MAP7: variants seen among roughly 807,000 people sequenced by gnomAD.
MAP7 encodes microtubule associated protein 7.
A neutral mutation model predicts 94.8 loss-of-function variants in MAP7; 52 were observed. The ratio of observed to expected loss-of-function variants is 0.55; its 90% CI spans 0.44 to 0.69. MAP7 has a LOEUF of 0.69. Ranked by LOEUF, MAP7 falls within the 30% of genes least tolerant of loss-of-function variation. The probability of loss-of-function intolerance (pLI) is 0.00; values close to 1 mark genes in which losing one functional copy is unlikely to be tolerated. For synonymous variants in MAP7, 350 were observed against 357.0 expected, an observed-to-expected ratio of 0.98 and a Z score of 0.22; for missense variants, 940 against 964.6, an observed-to-expected ratio of 0.97 and a Z score of 0.34.
At chr6:136,383,157 G>A (rs1409737959) in intron 6 of MAP7, among the ~76,000 whole-genome samples, 1 of 152,064 alleles carries the variant, frequency 6.6e-6, no homozygotes, top group South Asian at 2.1e-4. Flanking sequence ...TTAATGAATG[G>A]ACACCAAAAA....
intron 4 of MAP7, among the ~76,000 whole-genome samples, chr6:136,389,037 T>C (rs1779951386): frequency 6.6e-6 from 1 of 152,146 alleles, no homozygotes; most frequent in South Asian, 2.1e-4. Flanking sequence ...TGTGTAAATG[T>C]TTGCAAATGG....
intron 1 of MAP7, among the ~76,000 whole-genome samples, chr6:136,527,754 T>C (rs1263114115): frequency 1.3e-5 from 2 of 152,230 alleles, no homozygotes; most frequent in Non-Finnish European, 2.9e-5. Flanking sequence ...CTATCAATGC[T>C]ACCAGGAAGT....
intron 16 of MAP7, among the ~76,000 whole-genome samples, chr6:136,356,214 T>C (rs1790876087): frequency 6.6e-6 from 1 of 152,238 alleles, no homozygotes; most frequent in Admixed American, 6.5e-5. Flanking sequence ...TCACCCAGGC[T>C]GGACTGCAGT....
intron 1 of MAP7, among the ~76,000 whole-genome samples, chr6:136,524,879 T>A (rs538929218): frequency 6.6e-6 from 1 of 152,330 alleles, no homozygotes; most frequent in South Asian, 2.1e-4. Flanking sequence ...AGTGACAGAA[T>A]AATTTAAGAG....
chr6:136,467,448 T>C (rs1428511920), intron 1 of MAP7, among the ~76,000 whole-genome samples: 2 of 152,166 alleles, frequency 1.3e-5, no homozygotes, highest in Non-Finnish European at 2.9e-5. Context: ...GTTCAGAAAG[T>C]CCAAAAACTT....
At chr6:136,392,644 T>C (rs535930003) in intron 3 of MAP7, among the ~76,000 whole-genome samples, 2 of 152,138 alleles carry the variant, frequency 1.3e-5, no homozygotes, top group Admixed American at 6.5e-5. Flanking sequence ...AGCATGTCCA[T>C]GTAGAATAGC....
intron 1 of MAP7, among the ~76,000 whole-genome samples, chr6:136,461,033 A>G (rs1805033535): frequency 6.6e-6 from 1 of 152,174 alleles, no homozygotes; most frequent in African/African-American, 2.4e-5. Flanking sequence ...AGCTGACACA[A>G]TTAAGAATTT....
intron 1 of MAP7, among the ~76,000 whole-genome samples, chr6:136,477,099 A>G (rs1039515795): frequency 6.6e-6 from 1 of 152,222 alleles, no homozygotes; most frequent in Non-Finnish European, 1.5e-5. Context: ...CTAACTGAAA[A>G]GGAAAAATTG....
intron 5 of MAP7, among the ~76,000 whole-genome samples, chr6:136,384,935 G>A (rs1778794025): frequency 6.6e-6 from 1 of 152,178 alleles, no homozygotes; most frequent in African/African-American, 2.4e-5. Flanking sequence ...TGTAATGAAA[G>A]TCTAAAAAGT....
At chr6:136,371,826 T>C (rs1774595644) in intron 8 of MAP7, among the ~76,000 whole-genome samples, 2 of 152,220 alleles carry the variant, frequency 1.3e-5, no homozygotes, top group South Asian at 4.1e-4. Flanking sequence ...ACATACAAAT[T>C]ACCTCATTGC....
intron 11 of MAP7, among the ~76,000 whole-genome samples, chr6:136,361,550 G>GGGTCACAGTGTTC (rs1218573699): frequency 6.6e-6 from 1 of 152,190 alleles, no homozygotes; most frequent in Non-Finnish European, 1.5e-5. Flanking sequence ...AAATAAATAA[G>GGGTCACAGTGTTC]GGTCACAGTG....
At chr6:136,456,694 GAAAGAAGAAGA>G (rs1339532243) in intron 1 of MAP7, among the ~76,000 whole-genome samples, 1 of 133,086 alleles carries the variant, frequency 7.5e-6, no homozygotes, top group Non-Finnish European at 1.6e-5. Flanking sequence ...GAAGAAAGAA[GAAAGAAGAAGA>G]AAGAAGAGGA....
intron 1 of MAP7, among the ~76,000 whole-genome samples, chr6:136,425,706 G>A (rs1303152524): frequency 6.6e-6 from 1 of 152,114 alleles, no homozygotes; most frequent in Non-Finnish European, 1.5e-5. Context: ...AGGACATAAA[G>A]CAACAGCAAC....
At chr6:136,373,508 C>T (rs976005194) in intron 7 of MAP7, among the ~76,000 whole-genome samples, 1 of 152,120 alleles carries the variant, frequency 6.6e-6, no homozygotes, top group Non-Finnish European at 1.5e-5. Context: ...CATTACCTTC[C>T]AAGGAACACT....
intron 3 of MAP7, among the ~76,000 whole-genome samples, chr6:136,397,454 C>T (rs112804905): frequency 0.018 from 2,796 of 152,188 alleles, 74 homozygotes; most frequent in African/African-American, 0.063. Context: ...TTTGAATACA[C>T]GAAAAAATTC....
At chr6:136,407,602 G>A (rs1249061633) in intron 3 of MAP7, among the ~76,000 whole-genome samples, 2 of 152,168 alleles carry the variant, frequency 1.3e-5, no homozygotes, top group Non-Finnish European at 2.9e-5. Context: ...AATGGATTCA[G>A]GGTTAGAGTA....
chr6:136,355,396 T>A (rs1790606433), intron 16 of MAP7, among the ~76,000 whole-genome samples: 1 of 152,028 alleles, frequency 6.6e-6, no homozygotes, highest in Admixed American at 6.6e-5. Flanking sequence ...ACAATAAAGT[T>A]ATTCAACATA....
At chr6:136,525,035 A>G (rs538055702) in intron 1 of MAP7, among the ~76,000 whole-genome samples, 12 of 152,326 alleles carry the variant, frequency 7.9e-5, no homozygotes, top group African/African-American at 2.9e-4. Context: ...TTTTTCAAAA[A>G]TGTCTGATGT....
At chr6:136,499,261 C>T (rs551333316) in intron 1 of MAP7, among the ~76,000 whole-genome samples, 2 of 152,172 alleles carry the variant, frequency 1.3e-5, no homozygotes, top group South Asian at 4.2e-4. Flanking sequence ...GCTAGCAGCC[C>T]TGAGGCTCTG....
Sources: allele counts gnomAD v4.1 joint callset (sites outside exome capture counted in the v4.1 genomes callset), GRCh38; gene constraint gnomAD v4.1.1; transcripts MANE v1.5; gene names NCBI Gene and HGNC (gene_info 2026-07-23, HGNC 2026-07-21).